The following COL23A1 variants were observed in gnomAD, a reference collection of about 807,000 sequenced individuals.
COL23A1 encodes the protein collagen alpha-1(XXIII) chain.
COL23A1 carries 97 observed loss-of-function variants against 99.3 expected under a neutral mutation model. That is an observed-to-expected ratio of 0.98 (90% CI 0.83 to 1.16). COL23A1 has a LOEUF of 1.16. Among genes scored for constraint, COL23A1 ranks in the 50% most tolerant of loss-of-function variants. COL23A1 has a pLI of 0.00. For synonymous variants in COL23A1, 320 were observed against 308.2 expected (o/e 1.04, Z -0.40); for missense variants, 762 against 757.4 (o/e 1.01, Z -0.07).
chr5:178,360,945 C>T (rs1384208092), intron 2 of COL23A1, among the ~76,000 whole-genome samples: 2 of 152,162 alleles, frequency 1.3e-5, no homozygotes, highest in African/African-American at 4.8e-5. Context: ...TGAAGAACAA[C>T]AGAAGACGTT....
chr5:178,287,100 C>T (rs868030393), intron 5 of COL23A1, among the ~76,000 whole-genome samples: 6 of 152,230 alleles, frequency 3.9e-5, no homozygotes, highest in South Asian at 2.1e-4. Context: ...CCCAAAGGTC[C>T]GGGCTGCCGT....
intron 3 of COL23A1, among the ~76,000 whole-genome samples, chr5:178,297,366 T>G (rs2973781): frequency 6.6e-6 from 1 of 151,954 alleles, no homozygotes; most frequent in Non-Finnish European, 1.5e-5. Flanking sequence ...ACTAAAACAA[T>G]TATTAGCTGG....
At chr5:178,353,247 A>G (rs1052575618) in intron 2 of COL23A1, among the ~76,000 whole-genome samples, 2 of 138,406 alleles carry the variant, frequency 1.4e-5, no homozygotes, top group African/African-American at 2.8e-5. Context: ...AAATGAAGCT[A>G]TAACAGTAGT....
intron 2 of COL23A1, among the ~76,000 whole-genome samples, chr5:178,481,727 T>G (rs756780291): frequency 6.6e-5 from 10 of 151,794 alleles, no homozygotes; most frequent in Non-Finnish European, 1.3e-4. Context: ...AATGACAGCA[T>G]GGATGAGAAT....
chr5:178,300,230 C>T (rs545975015), intron 3 of COL23A1, among the ~76,000 whole-genome samples: 85 of 151,528 alleles, frequency 5.6e-4, no homozygotes, highest in Non-Finnish European at 9.7e-4. Flanking sequence ...CCACCATGCC[C>T]GGCTAATTTT....
chr5:178,322,296 C>T (rs1247543253), intron 2 of COL23A1, among the ~76,000 whole-genome samples: 1 of 152,058 alleles, frequency 6.6e-6, no homozygotes. Context: ...CTGGCCCACG[C>T]CTATTTTTTT....
chr5:178,343,800 C>T (rs766883650), intron 2 of COL23A1, among the ~76,000 whole-genome samples: 2 of 151,854 alleles, frequency 1.3e-5, no homozygotes, highest in Non-Finnish European at 2.9e-5. Flanking sequence ...GTAGCTGGGA[C>T]TACAGGTGCA....
chr5:178,481,830 A>C (rs182318892), intron 2 of COL23A1, among the ~76,000 whole-genome samples: 1 of 139,956 alleles, frequency 7.1e-6, no homozygotes, highest in Admixed American at 7.5e-5. Context: ...CAGTGAGAAC[A>C]CTTGGACACA....
chr5:178,394,724 C>T (rs13435983), intron 2 of COL23A1, among the ~76,000 whole-genome samples: 48,969 of 152,094 alleles, frequency 0.32, 9,022 homozygotes, highest in Non-Finnish European at 0.42. Context: ...GAAACTGAGG[C>T]CCAGAGAGAT....
At chr5:178,545,425 A>C (rs1348575767) in intron 2 of COL23A1, among the ~76,000 whole-genome samples, 2 of 152,242 alleles carry the variant, frequency 1.3e-5, no homozygotes, top group East Asian at 3.9e-4. Context: ...CAGCTCTCCC[A>C]GCATTCAGTC....
rs746986896 is a variant in COL23A1, at chr5:178,261,721, C to A, written c.702+1G>T. On this transcript the variant is annotated splice_donor_variant, in intron 11 of 28. Transcript: ENST00000390654. LOFTEE classifies it high-confidence loss of function. The stretch of plus-strand genomic sequence containing the variant: ...GGGCATGGGGAATAAGGAGTACTCA[C>A]CTTGGGCCCTGGGGGTCCCTTTGGG... 1 of 1,609,222 alleles carries A rather than the reference C, an allele frequency of 6.2e-7. No homozygotes were observed. The highest frequency in any genetic ancestry group is 8.5e-7 in the Non-Finnish European group (1 of 1,175,632).
At position 178,328,109 on chromosome 5, in the gene COL23A1, C is replaced by G. The variant is rs147191035; in HGVS notation, c.362-21190G>C. On this transcript the variant is annotated intron_variant, in intron 2 of 28. Transcript: ENST00000390654. ...CCCTGGGAGCTGGCAGACCCAGCCT[C>G]CCTGCCTGGGTGCGGAGGGCAGGGC... Among the ~76,000 whole-genome samples the G allele has an allele frequency of 1.1e-4, 16 of 152,242 alleles. No homozygotes were observed. The East Asian group carries it at 2.9e-3, about 28-fold the overall frequency.
Position 178,315,855 on chromosome 5 carries a change from A to C in COL23A1, c.362-8936T>G, listed in dbSNP as rs140845602. Among the ~76,000 whole-genome samples, 18 of 152,152 alleles carry C rather than the reference A, an allele frequency of 1.2e-4. No homozygotes were observed. In the East Asian group the frequency reaches 3.3e-3, roughly 28 times the overall value. ...AAATAAACTGATAATTGCTAATAAA[A>C]AAACAAGCACTGTATTCCTTGATTA... On this transcript the variant is annotated intron_variant, in intron 2 of 28. Transcript: ENST00000390654.
At chr5:178,239,573 G>A (rs890682530) in intron 27 of COL23A1, among the ~76,000 whole-genome samples, 7 of 142,910 alleles carry the variant, frequency 4.9e-5, no homozygotes, top group African/African-American at 7.8e-5. Context: ...GCCGAGAGCC[G>A]TGTGGCTTCC....
chr5:178,357,762 G>A (rs1203442678), intron 2 of COL23A1, among the ~76,000 whole-genome samples: 5 of 120,942 alleles, frequency 4.1e-5, no homozygotes, highest in African/African-American at 1.0e-4. Context: ...GTGTGTGTAC[G>A]TGTATGTATG....
chr5:178,245,847 G>C, intron 25 of COL23A1, 95 bp downstream of exon 25: 1 of 1,414,822 alleles, frequency 7.1e-7, no homozygotes, highest in Non-Finnish European at 1.0e-6. Flanking sequence ...TGGGGAAAGG[G>C]GTCACACTTG....
chr5:178,291,597 G>A (rs995818050), intron 3 of COL23A1, among the ~76,000 whole-genome samples: 21 of 152,294 alleles, frequency 1.4e-4, no homozygotes, highest in East Asian at 7.7e-4. Context: ...CAAGCCCGGG[G>A]GTTTGTTTCC....
chr5:178,505,599 G>A (rs1304385230), intron 2 of COL23A1, among the ~76,000 whole-genome samples: 1 of 152,062 alleles, frequency 6.6e-6, no homozygotes, highest in African/African-American at 2.4e-5. Flanking sequence ...ATTAGGGCAC[G>A]TGTTAATCAC....
intron 2 of COL23A1, among the ~76,000 whole-genome samples, chr5:178,364,490 C>T (rs1290124048): frequency 1.3e-5 from 2 of 150,346 alleles, no homozygotes; most frequent in Non-Finnish European, 2.9e-5. Flanking sequence ...AGCCTTGGTC[C>T]CCTGAGATGC....
Sources: allele counts gnomAD v4.1 joint callset (sites outside exome capture counted in the v4.1 genomes callset), GRCh38; gene constraint gnomAD v4.1.1; transcripts MANE v1.5; gene names NCBI Gene and HGNC (gene_info 2026-07-23, HGNC 2026-07-21).